ATP6V1B2: variants seen among roughly 807,000 people sequenced by gnomAD.
ATP6V1B2 encodes the protein ATPase H+ transporting V1 subunit B2, also known as V-type proton ATPase subunit B, brain isoform.
Under a neutral mutation model 66.7 loss-of-function variants are expected in ATP6V1B2, and 23 were observed. That is an observed-to-expected ratio of 0.34 (90% CI 0.25 to 0.49). ATP6V1B2 has a LOEUF of 0.49. ATP6V1B2 is among the 20% of genes least tolerant of loss of function. The probability of loss-of-function intolerance (pLI) is 0.99; values close to 1 mark genes in which losing one functional copy is unlikely to be tolerated. For synonymous variants in ATP6V1B2, 278 were observed against 236.7 expected, an observed-to-expected ratio of 1.17 and a Z score of -1.60; for missense variants, 478 against 650.8, an observed-to-expected ratio of 0.73 and a Z score of 2.89.
At chr8:20,208,689 AATT>A (rs1341647763) in intron 2 of ATP6V1B2, among the ~76,000 whole-genome samples, 2 of 150,380 alleles carry the variant, frequency 1.3e-5, no homozygotes. Flanking sequence ...TTATAATAGT[AATT>A]ATTATTTAGT....
chr8:20,206,170 T>C, intron 2 of ATP6V1B2, among the ~76,000 whole-genome samples: 1 of 152,252 alleles, frequency 6.6e-6, no homozygotes, highest in South Asian at 2.1e-4. Context: ...CTATTCCCTC[T>C]CTACTGCTGT....
intron 2 of ATP6V1B2, among the ~76,000 whole-genome samples, chr8:20,207,175 C>T (rs1278817985): frequency 6.6e-6 from 1 of 152,142 alleles, no homozygotes; most frequent in East Asian, 1.9e-4. Flanking sequence ...AGACTCAATT[C>T]TCCCCAATTA....
At chr8:20,218,995 C>T (rs2072882180) in intron 13 of ATP6V1B2, among the ~76,000 whole-genome samples, 2 of 152,186 alleles carry the variant, frequency 1.3e-5, no homozygotes, top group African/African-American at 4.8e-5. Context: ...GGGCATTATT[C>T]TTAACCTTCT....
chr8:20,208,433 C>A (rs536953990), intron 2 of ATP6V1B2, among the ~76,000 whole-genome samples: 1 of 152,154 alleles, frequency 6.6e-6, no homozygotes, highest in Admixed American at 6.5e-5. Context: ...CTTTTCACAT[C>A]ACACAAAATA....
At position 20,212,910 on chromosome 8, in the gene ATP6V1B2, G is replaced by A. The variant is rs1168345819; in HGVS notation, c.927+5G>A. 6.2e-7 allele frequency: 1 copy of A among 1,613,040 alleles called. No homozygotes were observed. Among genetic ancestry groups the A allele is most frequent in the Admixed American group, 1.7e-5 (1 of 59,908 alleles). On this transcript the variant is annotated splice_donor_5th_base_variant and intron_variant, in intron 9 of 13. Transcript: ENST00000276390. The stretch of plus-strand genomic sequence containing the variant: ...TATGCTGAAGCACTTCGAGAGGTAA[G>A]TTGTTCATGTTTTTCCCTCAGTTAA...
rs1435814631 is a variant in ATP6V1B2 at position 20,221,296 on chromosome 8, A to G, written c.*894A>G. ...GGAGGGAGCAGAAGCACTTATGTTT[A>G]CGGATATTTTAAACTCTGTTAGAGA... is the stretch of plus-strand genomic sequence containing the variant. On this transcript the variant is annotated 3_prime_UTR_variant, in exon 14 of 14. Coordinates refer to ENST00000276390, the MANE Select transcript of ATP6V1B2 (RefSeq NM_001693.4). 1 of 152,196 alleles carries G rather than the reference A, an allele frequency of 6.6e-6. No homozygotes were observed. Among genetic ancestry groups the G allele is most frequent in the African/African-American group, 2.4e-5 (1 of 41,456 alleles). 9.4% of individuals were successfully genotyped at this position (152,196 alleles called of 1,614,324 possible).
chr8:20,218,076 C>G (rs2072872590), intron 12 of ATP6V1B2, 77 bp from the exon 13 acceptor site: 1 of 1,537,266 alleles, frequency 6.5e-7, no homozygotes, highest in East Asian at 2.3e-5. Context: ...AGAACTAGAG[C>G]AGTACATTCC....
At chr8:20,199,002 G>T (rs948393367) in intron 1 of ATP6V1B2, among the ~76,000 whole-genome samples, 1 of 152,182 alleles carries the variant, frequency 6.6e-6, no homozygotes, top group South Asian at 2.1e-4. Flanking sequence ...GGGTAGAACA[G>T]ATAGACATTA....
intron 3 of ATP6V1B2, among the ~76,000 whole-genome samples, 179 bp from the exon 4 acceptor site, chr8:20,210,167 G>A (rs889275653): frequency 2.0e-5 from 3 of 151,038 alleles, no homozygotes; most frequent in Admixed American, 2.0e-4. Context: ...CTGTAGGCAT[G>A]AACCCTTGAT....
rs770261713 is a variant in ATP6V1B2, at chr8:20,210,413, G to C, written c.359G>C (p.Arg120Pro). 6.2e-7 allele frequency: 1 copy of C among 1,613,390 alleles called. No individual in the cohort carries two copies. The highest frequency in any genetic ancestry group is 8.5e-7 in the Non-Finnish European group (1 of 1,179,642). Residue 120 changes from arginine (R) to proline (P), a missense_variant, in exon 4 of 14, where the codon CGA becomes CCA. Around this residue, in one of 2 missense-constraint regions of ATP6V1B2, gnomAD observed 326 missense variants for 545.6 expected, o/e 0.60. Transcript: ENST00000276390. ...TSCEFTGDIL[R>P]TPVSEDMLGR... ...TGTGAGTTTACTGGGGATATTCTCC[G>C]AACACCGGTGTCTGAGGATATGCTT...
Position 20,197,484 on chromosome 8 carries a change from G to T in ATP6V1B2, c.78G>T (p.Val26=). ...ELPVPTGGPA[V]GAREQALAVS... ...CCGTGCCCACCGGTGGGCCGGCGGT[G>T]GGAGCTCGGGAGCAGGCGCTGGCAG... is the stretch of plus-strand genomic sequence containing the variant. The change falls in exon 1 of 14, where the codon GTG becomes GTT. Residue 26 remains valine, a synonymous_variant. Transcript: ENST00000276390. The T allele has an allele frequency of 6.6e-7, 1 of 1,506,076 alleles. No individual in the cohort carries two copies. The highest frequency in any genetic ancestry group is 8.9e-7 in the Non-Finnish European group (1 of 1,127,282). 93.3% of individuals were successfully genotyped at this position (1,506,076 alleles called of 1,614,324 possible).
At position 20,204,358 on chromosome 8, in the gene ATP6V1B2, A is replaced by G. The variant is rs529721517; in HGVS notation, c.137-126A>G. ...TTATAAATGCATTGAAAAATTTTGT[A>G]GCTATTTGAGTGTACCGTATTCTAA... On this transcript the variant is annotated intron_variant, in intron 1 of 13. Coordinates refer to ENST00000276390, the MANE Select transcript of ATP6V1B2 (RefSeq NM_001693.4). 5.2e-5 allele frequency: 39 copies of G among 745,444 alleles called. No individual in the cohort carries two copies. In the South Asian group the frequency reaches 7.2e-4, roughly 14 times the overall value. 46.2% of individuals were successfully genotyped at this position (745,444 alleles called of 1,614,324 possible).
Position 20,210,582 on chromosome 8 carries a change from T to C in ATP6V1B2, c.399T>C (p.Asn133=). ...ACTGATTTCTAGGTCGGGTATTCAA[T>C]GGATCGGGAAAACCCATTGACAGAG... ...VSEDMLGRVF[N]GSGKPIDRGP... is the part of the protein sequence containing the mutation. The change falls in exon 5 of 14, where the codon AAT becomes AAC. Residue 133 remains asparagine, a synonymous_variant. Coordinates refer to ENST00000276390, the MANE Select transcript of ATP6V1B2 (RefSeq NM_001693.4). The C allele has an allele frequency of 6.2e-7, 1 of 1,613,840 alleles. No homozygotes were observed. Among genetic ancestry groups the C allele is most frequent in the Non-Finnish European group, 8.5e-7 (1 of 1,179,784 alleles).
At position 20,211,210 on chromosome 8, in the gene ATP6V1B2, C is replaced by A. The variant is rs746306872; in HGVS notation, c.497C>A (p.Pro166Gln). The change falls in exon 6 of 14, where the codon CCA becomes CAA. Residue 166 changes from proline to glutamine, a missense_variant. Physicochemically the swap from Pro to Gln is moderately conservative, Grantham distance 76 (BLOSUM62 -1). Coordinates refer to ENST00000276390, the MANE Select transcript of ATP6V1B2 (RefSeq NM_001693.4). Reference sequence around the variant, plus strand: ...ATCAACCCTCAATGTCGAATCTACCCAGAGGAAATGATTCAGACTGGCATT... The same window carrying A: ...ATCAACCCTCAATGTCGAATCTACCAAGAGGAAATGATTCAGACTGGCATT... ...QPINPQCRIY[P>Q]EEMIQTGISA... The A allele has an allele frequency of 6.2e-7, 1 of 1,612,902 alleles. No individual in the cohort carries two copies. The highest frequency in any genetic ancestry group is 1.7e-5 in the Admixed American group (1 of 59,558).
chr8:20,198,255 C>A (rs994546220), intron 1 of ATP6V1B2, among the ~76,000 whole-genome samples: 5 of 152,166 alleles, frequency 3.3e-5, no homozygotes, highest in Admixed American at 3.3e-4. Context: ...ACTAAAAATC[C>A]AGGTTCTTAA....
rs769246654 is a variant in ATP6V1B2, at chr8:20,212,198, A to C, written c.802A>C (p.Thr268Pro). Residue 268 changes from threonine to proline, a missense_variant and splice_region_variant, in exon 8 of 14, where the codon ACC becomes CCC. Thr to Pro is a conservative substitution (Grantham distance 38, BLOSUM62 -1). This residue lies in a region of ATP6V1B2 where 326 missense variants were observed against 545.6 expected (regional missense o/e 0.60). Transcript: ENST00000276390. The stretch of plus-strand genomic sequence containing the variant: ...CTTTTTGAACTTGGCTAATGACCCA[A>C]CGTAAGTAACAGAGCTATTTCTTTC... ...CLFLNLANDP[T>P]IERIITPRLA... 1.6e-5 allele frequency: 25 copies of C among 1,612,628 alleles called. No individual in the cohort carries two copies. The highest frequency in any genetic ancestry group is 2.0e-5 in the Non-Finnish European group (24 of 1,179,040).
intron 1 of ATP6V1B2, among the ~76,000 whole-genome samples, chr8:20,199,107 C>T (rs558458166): frequency 3.0e-4 from 45 of 152,104 alleles, no homozygotes; most frequent in Non-Finnish European, 5.3e-4. Context: ...ACTGAAATAA[C>T]GTTGTTTAAA....
chr8:20,204,660 A>G, intron 2 of ATP6V1B2, 121 bp downstream of exon 2: 1 of 793,738 alleles, frequency 1.3e-6, no homozygotes, highest in Non-Finnish European at 1.9e-6. Flanking sequence ...GGTGTCAGTC[A>G]GTCTAAAGCC....
intron 3 of ATP6V1B2, among the ~76,000 whole-genome samples, chr8:20,209,931 C>G (rs925614675): frequency 1.3e-5 from 2 of 151,884 alleles, no homozygotes; most frequent in African/African-American, 4.8e-5. Context: ...TTAAAAATAG[C>G]CTAAAGCAGG....
Sources: gnomAD v4.1 joint callset for allele counts (sites outside exome capture counted in the v4.1 genomes callset) on GRCh38, gnomAD v4.1.1 for gene constraint, gnomAD v4.1.1 regional missense constraint, MANE v1.5 for transcripts, NCBI Gene and HGNC (gene_info 2026-07-23, HGNC 2026-07-21) for gene names.